The following LRRC4C variants were observed in gnomAD, a reference collection of about 807,000 sequenced individuals.
The protein encoded by LRRC4C is leucine-rich repeat-containing protein 4C.
A neutral mutation model predicts 33.6 loss-of-function variants in LRRC4C; 5 were observed. That is an observed-to-expected ratio of 0.15 (90% CI 0.08 to 0.31). The LOEUF is 0.31. LRRC4C is among the 10% of genes least tolerant of loss of function. LRRC4C has a pLI of 1.00. For missense variants in LRRC4C, 560 were observed against 796.7 expected (o/e 0.70, Z 3.58); for synonymous variants, 329 against 302.0 (o/e 1.09, Z -0.93).
At chr11:40,396,494 C>T (rs1271456725) in intron 3 of LRRC4C, among the ~76,000 whole-genome samples, 1 of 152,014 alleles carries the variant, frequency 6.6e-6, no homozygotes, top group Non-Finnish European at 1.5e-5. Flanking sequence ...TGTAATTACT[C>T]AAACTGAAAA....
At chr11:40,738,698 G>C (rs915812120) in intron 2 of LRRC4C, among the ~76,000 whole-genome samples, 5 of 151,978 alleles carry the variant, frequency 3.3e-5, no homozygotes, top group African/African-American at 4.8e-5. Flanking sequence ...ATACAGAATG[G>C]ATACTTCCTT....
At chr11:40,812,127 C>T (rs1244149746) in intron 2 of LRRC4C, among the ~76,000 whole-genome samples, 2 of 152,108 alleles carry the variant, frequency 1.3e-5, no homozygotes, top group Non-Finnish European at 2.9e-5. Context: ...ATGTTACAAC[C>T]TCCCAAAGAT....
chr11:41,286,890 T>G (rs2958857), intron 1 of LRRC4C, among the ~76,000 whole-genome samples: 120,030 of 151,962 alleles, frequency 0.79, 48,084 homozygotes, highest in Admixed American at 0.86. Context: ...AAAGGGTTCT[T>G]TTCCTTAACA....
intron 3 of LRRC4C, among the ~76,000 whole-genome samples, chr11:40,594,469 T>C (rs1252354120): frequency 6.6e-6 from 1 of 152,238 alleles, no homozygotes; most frequent in Non-Finnish European, 1.5e-5. Context: ...TTTTACTGCT[T>C]CTGATGCCTC....
At chr11:41,145,533 C>G (rs1943692807) in intron 1 of LRRC4C, among the ~76,000 whole-genome samples, 2 of 123,448 alleles carry the variant, frequency 1.6e-5, no homozygotes, top group African/African-American at 5.7e-5. Context: ...TGCTTTTATG[C>G]TACAACGGCA....
At chr11:40,711,700 A>G (rs530627551) in intron 2 of LRRC4C, among the ~76,000 whole-genome samples, 1 of 150,380 alleles carries the variant, frequency 6.6e-6, no homozygotes, top group African/African-American at 2.4e-5. Context: ...GAAAAGAAAC[A>G]TAATTTGTAG....
intron 4 of LRRC4C, among the ~76,000 whole-genome samples, chr11:40,291,274 C>T (rs1944175536): frequency 6.6e-6 from 1 of 152,140 alleles, no homozygotes; most frequent in East Asian, 1.9e-4. Flanking sequence ...GCATTTTCCA[C>T]CTTCTGCTTT....
intron 3 of LRRC4C, among the ~76,000 whole-genome samples, chr11:40,568,379 C>A (rs1957847964): frequency 6.6e-6 from 1 of 152,318 alleles, no homozygotes; most frequent in Admixed American, 6.5e-5. Context: ...CTAGCAGATA[C>A]CTTGATTGCA....
chr11:41,448,122 G>GGTTTTTTTTTTT lies in LRRC4C; in HGVS notation c.-496+11308_-496+11309insAAAAAAAAAAAC, dbSNP rs1554934483. On this transcript the variant is annotated intron_variant, in intron 1 of 6. Transcript: ENST00000528697. ...ACAAACGAGGCTGCTGCACACGTCTGTTTTTTTTTTTTTTTTTTTTGGAGC... is the reference window on the plus strand; with the variant it reads ...ACAAACGAGGCTGCTGCACACGTCTGGTTTTTTTTTTTTTTTTTTTTTTTTTTTTTTTGGAGC... Among the ~76,000 whole-genome samples, 66 of 46,932 alleles carry GGTTTTTTTTTTT rather than the reference G, an allele frequency of 1.4e-3. 6 individuals carry two copies. The highest frequency in any genetic ancestry group is 2.3e-3 in the Non-Finnish European group (52 of 22,902). 30.8% of individuals were successfully genotyped at this position (46,932 alleles called of 152,430 possible).
intron 6 of LRRC4C, among the ~76,000 whole-genome samples, chr11:40,125,017 TCA>T (rs919063155): frequency 6.6e-6 from 1 of 151,952 alleles, no homozygotes; most frequent in African/African-American, 2.4e-5. Context: ...ATTTAAAAAT[TCA>T]CAAACATTCT....
At chr11:40,808,341 C>G (rs1427884979) in intron 2 of LRRC4C, among the ~76,000 whole-genome samples, 1 of 151,826 alleles carries the variant, frequency 6.6e-6, no homozygotes, top group Non-Finnish European at 1.5e-5. Context: ...ACATGTTCTC[C>G]ACCCCTACTT....
chr11:40,586,442 G>T (rs1176515127), intron 3 of LRRC4C, among the ~76,000 whole-genome samples: 1 of 146,690 alleles, frequency 6.8e-6, no homozygotes, highest in East Asian at 2.0e-4. Context: ...CACTCTGATG[G>T]TAGTTTCTTT....
chr11:40,305,051 C>G lies in LRRC4C; in HGVS notation c.-176+14577G>C, dbSNP rs542656458. On this transcript the variant is annotated intron_variant, in intron 4 of 6. Transcript: ENST00000528697. ...AAGTGCTGGGATTACAGGCATCAAC[C>G]TTATCCCACATTTCCTGCCCTAGCA... is the stretch of plus-strand genomic sequence containing the variant. Among the ~76,000 whole-genome samples, 8 of 152,210 alleles carry G rather than the reference C, an allele frequency of 5.3e-5. No homozygotes were observed. The South Asian group carries it at 8.3e-4, about 16-fold the overall frequency.
At chr11:40,835,211 T>C (rs1952616087) in intron 2 of LRRC4C, among the ~76,000 whole-genome samples, 1 of 152,126 alleles carries the variant, frequency 6.6e-6, no homozygotes, top group Non-Finnish European at 1.5e-5. Flanking sequence ...ATTTTCTCTA[T>C]TTTTACAGAC....
chr11:41,086,770 G>T (rs1469557592), intron 1 of LRRC4C, among the ~76,000 whole-genome samples: 1 of 151,948 alleles, frequency 6.6e-6, no homozygotes, highest in Non-Finnish European at 1.5e-5. Context: ...AACTTTATAA[G>T]ATGTTATTAA....
At chr11:41,366,195 TAGAC>T (rs201335008) in intron 1 of LRRC4C, among the ~76,000 whole-genome samples, 2,826 of 127,356 alleles carry the variant, frequency 0.022, 77 homozygotes, top group African/African-American at 0.077. Context: ...GATAGATAGA[TAGAC>T]AGATAGATAG....
intron 1 of LRRC4C, among the ~76,000 whole-genome samples, chr11:41,322,678 C>T (rs539477982): frequency 6.6e-6 from 1 of 152,180 alleles, no homozygotes; most frequent in African/African-American, 2.4e-5. Context: ...GTGTAACCAC[C>T]CTCTGCCAAA....
chr11:40,651,834 G>A (rs61050783), intron 2 of LRRC4C, among the ~76,000 whole-genome samples: 92 of 152,208 alleles, frequency 6.0e-4, no homozygotes, highest in African/African-American at 2.1e-3. Context: ...TTGCATTTAT[G>A]TATCCATTTC....
At chr11:40,136,693 C>T (rs1191428251) in intron 6 of LRRC4C, among the ~76,000 whole-genome samples, 1 of 152,130 alleles carries the variant, frequency 6.6e-6, no homozygotes. Context: ...ATTCTAAGAA[C>T]AAGTAAAGAA....
Sources: gnomAD v4.1 joint callset for allele counts (sites outside exome capture counted in the v4.1 genomes callset) on GRCh38, gnomAD v4.1.1 for gene constraint, MANE v1.5 for transcripts, NCBI Gene and HGNC (gene_info 2026-07-23, HGNC 2026-07-21) for gene names.